Variants in DYNLT2B observed in about 807,000 individuals in gnomAD.
DYNLT2B encodes dynein light chain Tctex-type protein 2B.
A neutral mutation model predicts 19.5 loss-of-function variants in DYNLT2B; 14 were observed. The observed-to-expected ratio is 0.72, with a 90% CI of 0.47 to 1.12. The LOEUF is 1.12. Ranked by LOEUF, DYNLT2B falls within the 50% of genes most tolerant of loss-of-function variation. DYNLT2B has a pLI of 0.00. For missense variants in DYNLT2B, 133 were observed against 174.7 expected (o/e 0.76, Z 1.35); for synonymous variants, 70 against 59.7 (o/e 1.17, Z -0.79).
chr3:196,306,895 A>G (rs749767417), intron 3 of DYNLT2B, 48 bp downstream of exon 3: 2 of 1,536,340 alleles, frequency 1.3e-6, no homozygotes, highest in Non-Finnish European at 1.8e-6. Flanking sequence ...CAGATACCTC[A>G]TAAGAAATAT....
intron 3 of DYNLT2B, among the ~76,000 whole-genome samples, chr3:196,302,741 C>T (rs534922773): frequency 4.6e-5 from 7 of 152,070 alleles, no homozygotes; most frequent in African/African-American, 1.7e-4. Flanking sequence ...AGGATGAACA[C>T]GGAGGAAATG....
chr3:196,297,593 G>C (rs902109840), intron 3 of DYNLT2B, among the ~76,000 whole-genome samples: 2 of 151,934 alleles, frequency 1.3e-5, no homozygotes, highest in Non-Finnish European at 2.9e-5. Flanking sequence ...TCTATTAAAC[G>C]TATGTGTATG....
intron 2 of DYNLT2B, among the ~76,000 whole-genome samples, chr3:196,314,656 A>T (rs1726728981): frequency 6.6e-6 from 1 of 151,406 alleles, no homozygotes. Context: ...CTACAGAAAA[A>T]TTTAAAAATT....
intron 2 of DYNLT2B, among the ~76,000 whole-genome samples, chr3:196,314,480 A>G (rs1410431981): frequency 2.6e-5 from 4 of 151,356 alleles, no homozygotes; most frequent in African/African-American, 4.9e-5. Flanking sequence ...AAAAAAAAAA[A>G]AAAAAGAACT....
intron 2 of DYNLT2B, among the ~76,000 whole-genome samples, chr3:196,315,556 C>T (rs965428261): frequency 4.6e-5 from 7 of 151,542 alleles, no homozygotes; most frequent in Admixed American, 2.0e-4. Flanking sequence ...CCACTGCGCC[C>T]GGCCTTTATT....
At chr3:196,300,444 A>T (rs955563525) in intron 3 of DYNLT2B, among the ~76,000 whole-genome samples, 1 of 151,990 alleles carries the variant, frequency 6.6e-6, no homozygotes, top group Non-Finnish European at 1.5e-5. Context: ...TTAAGAAACA[A>T]GGGGGCCAGG....
intron 2 of DYNLT2B, among the ~76,000 whole-genome samples, chr3:196,308,294 G>C (rs902532771): frequency 6.6e-6 from 1 of 151,868 alleles, no homozygotes; most frequent in African/African-American, 2.4e-5. Flanking sequence ...AGTAAGAGGG[G>C]ACCAGGTCAG....
At chr3:196,302,147 T>C (rs1726372807) in intron 3 of DYNLT2B, among the ~76,000 whole-genome samples, 1 of 151,126 alleles carries the variant, frequency 6.6e-6, no homozygotes, top group South Asian at 2.1e-4. Context: ...AGAGAGGAAA[T>C]AGAAAAATCA....
chr3:196,295,733 TTAAATAATATGCTAAC>T (rs1726207090), intron 4 of DYNLT2B, among the ~76,000 whole-genome samples: 1 of 152,304 alleles, frequency 6.6e-6, no homozygotes, highest in African/African-American at 2.4e-5. Flanking sequence ...AAAATAATGT[TTAAATAATATGCTAAC>T]TAAATAATAT....
chr3:196,306,262 A>G (rs1425159537), intron 3 of DYNLT2B, among the ~76,000 whole-genome samples: 32 of 148,710 alleles, frequency 2.2e-4, no homozygotes, highest in South Asian at 1.7e-3. Flanking sequence ...AAAAAAAAAA[A>G]AAAGAAAGAA....
chr3:196,304,950 C>T lies in DYNLT2B; in HGVS notation c.317+1993G>A, dbSNP rs144416352. The stretch of plus-strand genomic sequence containing the variant: ...AGGCTGGAGTACAGTGGCACAATCA[C>T]GGCTTACTGCAGTCTCAACCTTCCT... On this transcript the variant is annotated intron_variant, in intron 3 of 4. Transcript: ENST00000325318. 7.5e-3 allele frequency among the ~76,000 whole-genome samples: 1,136 copies of T among 152,266 alleles called. 39 individuals are homozygous for T. The highest frequency in any genetic ancestry group is 0.062 in the Admixed American group (950 of 15,268).
At chr3:196,298,904 A>C (rs1371315337) in intron 3 of DYNLT2B, among the ~76,000 whole-genome samples, 2 of 151,758 alleles carry the variant, frequency 1.3e-5, no homozygotes, top group African/African-American at 4.8e-5. Context: ...ACTTTTTAAA[A>C]TTTTTTTATT....
intron 3 of DYNLT2B, 38 bp downstream of exon 3, chr3:196,306,905 T>C (rs1214375590): frequency 5.1e-6 from 8 of 1,568,176 alleles, no homozygotes; most frequent in Middle Eastern, 1.7e-4. Context: ...ATAAGAAATA[T>C]AGATGACTAA....
At chr3:196,315,716 T>C (rs1448551342) in intron 2 of DYNLT2B, among the ~76,000 whole-genome samples, 1 of 151,860 alleles carries the variant, frequency 6.6e-6, no homozygotes, top group Non-Finnish European at 1.5e-5. Flanking sequence ...CTACTAAAAA[T>C]ACAAAATTAG....
chr3:196,310,881 G>A (rs140009054), intron 2 of DYNLT2B, among the ~76,000 whole-genome samples: 151 of 151,884 alleles, frequency 9.9e-4, no homozygotes, highest in African/African-American at 3.5e-3. Flanking sequence ...AACCATAGGC[G>A]TGCACCACCA....
At chr3:196,308,914 TA>T (rs947191900) in intron 2 of DYNLT2B, among the ~76,000 whole-genome samples, 13 of 144,548 alleles carry the variant, frequency 9.0e-5, no homozygotes, top group East Asian at 2.0e-4. Context: ...GAGGGGAACT[TA>T]AAAAAAAAAC....
intron 3 of DYNLT2B, chr3:196,298,253 GTTGT>G (rs144254552): frequency 0.24 from 49,183 of 207,006 alleles, 8,134 homozygotes; most frequent in East Asian, 0.76. Flanking sequence ...ACAAGAGAGA[GTTGT>G]TTGTTTTTTG....
At chr3:196,307,058 A>T (rs1376603742) in intron 2 of DYNLT2B, 46 bp from the exon 3 acceptor site, 1 of 1,560,016 alleles carries the variant, frequency 6.4e-7, no homozygotes, top group Admixed American at 1.7e-5. Context: ...ATGTAGTAAA[A>T]TTACTTATTG....
chr3:196,312,678 C>CA lies in DYNLT2B; in HGVS notation c.247+3419dup, dbSNP rs1726674287. On this transcript the variant is annotated intron_variant, in intron 2 of 4. Transcript: ENST00000325318. ...TTCACCATGTTGGCAAGGCTGGTCT[C>CA]AAACTCCTGACCTCGGGTGATCCAC... 2.6e-5 allele frequency among the ~76,000 whole-genome samples: 4 copies of CA among 152,286 alleles called. No individual in the cohort carries two copies. In the South Asian group the frequency reaches 8.3e-4, roughly 32 times the overall value.
Sources: gnomAD v4.1 joint callset for allele counts (sites outside exome capture counted in the v4.1 genomes callset) on GRCh38, gnomAD v4.1.1 for gene constraint, MANE v1.5 for transcripts, NCBI Gene and HGNC (gene_info 2026-07-23, HGNC 2026-07-21) for gene names.